The following EYS variants were observed in gnomAD, a reference collection of about 807,000 sequenced individuals.
The protein encoded by EYS is protein eyes shut homolog.
In EYS, 250 loss-of-function variants were observed where a neutral mutation model predicts 282.1. The observed-to-expected ratio is 0.89, with a 90% CI of 0.80 to 0.98. The LOEUF (loss-of-function observed/expected upper bound fraction) is 0.98. Ranked by LOEUF, EYS falls within the 50% of genes least tolerant of loss-of-function variation. The pLI, the probability that EYS is intolerant of heterozygous loss-of-function variation, is 0.00. For missense variants in EYS, 4,016 were observed against 3,709.0 expected (o/e 1.08, Z -2.15); for synonymous variants, 1,355 against 1,282.9 (o/e 1.06, Z -1.20).
chr6:65,548,650 C>A (rs1210603367), intron 2 of EYS, among the ~76,000 whole-genome samples: 1 of 152,170 alleles, frequency 6.6e-6, no homozygotes, highest in African/African-American at 2.4e-5. Context: ...ATGATTGTAT[C>A]CTTTCCAATT....
At chr6:64,245,031 A>C (rs1197856239) in intron 30 of EYS, among the ~76,000 whole-genome samples, 1 of 131,806 alleles carries the variant, frequency 7.6e-6, no homozygotes, top group Admixed American at 9.5e-5. Context: ...CCTGTGTCCA[A>C]GTGTTCTCAT....
At chr6:64,947,055 T>C (rs1392087765) in intron 14 of EYS, among the ~76,000 whole-genome samples, 5 of 151,854 alleles carry the variant, frequency 3.3e-5, no homozygotes, top group African/African-American at 4.8e-5. Flanking sequence ...ATAAGCACAA[T>C]GTGATGAGTA....
chr6:65,345,643 A>G (rs2150321162), intron 9 of EYS, among the ~76,000 whole-genome samples: 1 of 151,926 alleles, frequency 6.6e-6, no homozygotes, highest in East Asian at 1.9e-4. Flanking sequence ...TTTCATTTAA[A>G]TTGTCCAATT....
chr6:64,453,073 A>G (rs963995017), intron 26 of EYS, among the ~76,000 whole-genome samples: 1 of 152,180 alleles, frequency 6.6e-6, no homozygotes, highest in African/African-American at 2.4e-5. Flanking sequence ...TGAACAGGCA[A>G]CCTACAGAAT....
chr6:64,960,762 T>C (rs1769884192), intron 14 of EYS, among the ~76,000 whole-genome samples: 1 of 152,150 alleles, frequency 6.6e-6, no homozygotes, highest in Non-Finnish European at 1.5e-5. Context: ...TTAAGCCTAG[T>C]ACCCATTAGT....
chr6:64,462,878 C>A lies in EYS; in HGVS notation c.5645-23526G>T, dbSNP rs1005452489. Among the ~76,000 whole-genome samples, 6 of 151,116 alleles carry A rather than the reference C, an allele frequency of 4.0e-5. No individual in the cohort carries two copies. In the South Asian group the frequency reaches 1.0e-3, roughly 26 times the overall value. ...TATTCTATATCTTTCGTTTAAAAAG[C>A]TATCAAAATTCTTTTCTACTTCTCT... On this transcript the variant is annotated intron_variant, in intron 26 of 42. Transcript: ENST00000503581.
intron 23 of EYS, among the ~76,000 whole-genome samples, chr6:64,623,859 G>T (rs113110675): frequency 1.3e-5 from 2 of 152,112 alleles, no homozygotes; most frequent in East Asian, 3.9e-4. Context: ...CCCTGAAACC[G>T]TGGCAAACTA....
chr6:64,425,579 G>A (rs9353779), intron 28 of EYS, among the ~76,000 whole-genome samples: 59 of 150,562 alleles, frequency 3.9e-4, no homozygotes, highest in African/African-American at 1.4e-3. Context: ...GCTTGAACCT[G>A]GGAGTCGGAA....
intron 39 of EYS, among the ~76,000 whole-genome samples, chr6:63,782,743 T>C (rs959027550): frequency 6.6e-6 from 1 of 152,222 alleles, no homozygotes; most frequent in Non-Finnish European, 1.5e-5. Flanking sequence ...TTTGTGTCTC[T>C]ATCTCCTTCA....
intron 12 of EYS, among the ~76,000 whole-genome samples, chr6:65,207,322 A>G (rs1045813812): frequency 8.6e-5 from 13 of 151,518 alleles, no homozygotes; most frequent in Non-Finnish European, 1.6e-4. Context: ...TAAAGAATTA[A>G]GTGGAAGATC....
chr6:64,885,680 A>G (rs1187180918), intron 19 of EYS, among the ~76,000 whole-genome samples: 4 of 151,806 alleles, frequency 2.6e-5, no homozygotes, highest in African/African-American at 9.7e-5. Context: ...ATATTAACTT[A>G]ATCTGATAGT....
chr6:63,855,592 C>G (rs1562062051), intron 36 of EYS, among the ~76,000 whole-genome samples: 1 of 152,134 alleles, frequency 6.6e-6, no homozygotes, highest in East Asian at 1.9e-4. Flanking sequence ...AATTTCAGAA[C>G]CTACCATGTG....
chr6:64,555,759 A>G (rs910884321), intron 26 of EYS, among the ~76,000 whole-genome samples: 1 of 152,124 alleles, frequency 6.6e-6, no homozygotes, highest in African/African-American at 2.4e-5. Flanking sequence ...CATTTAAATC[A>G]CACATTACAT....
intron 5 of EYS, among the ~76,000 whole-genome samples, chr6:65,418,119 G>C (rs1767312796): frequency 1.3e-5 from 2 of 151,996 alleles, no homozygotes; most frequent in Non-Finnish European, 2.9e-5. Context: ...TACATATCCT[G>C]TTGTGCAATT....
At position 64,230,794 on chromosome 6, in the gene EYS, G is replaced by A. The variant is rs1212504453; in HGVS notation, c.6222C>T (p.Ala2074=). 1 of 1,550,506 alleles carries A rather than the reference G, an allele frequency of 6.4e-7. No homozygotes were observed. Among genetic ancestry groups the A allele is most frequent in the African/African-American group, 1.4e-5 (1 of 72,986 alleles). ...TCACATCAGAAGCATCAACAAAGGA[G>A]GCTGTTGGAGACAGCATAAATCCCT... The part of the protein sequence containing the change: ...RSQGFMLSPT[A]SFVDASDVTQ... The change falls in exon 31 of 43, where the codon GCC becomes GCT. Residue 2074 remains alanine (A), a synonymous_variant. Transcript: ENST00000503581.
Position 64,431,391 on chromosome 6 carries a change from C to T in EYS, c.5927+4783G>A, listed in dbSNP as rs564333383. Among the ~76,000 whole-genome samples the T allele has an allele frequency of 8.5e-5, 13 of 152,236 alleles. No individual in the cohort carries two copies. The East Asian group carries it at 2.5e-3, about 29-fold the overall frequency. ...CTCTGTAGCTAAATAAGCACACATT[C>T]TGAGCTGCTGAGGGTTAACACTTCA... On this transcript the variant is annotated intron_variant, in intron 28 of 42. Transcript: ENST00000503581.
At chr6:65,004,154 T>G (rs925986039) in intron 13 of EYS, among the ~76,000 whole-genome samples, 1 of 147,602 alleles carries the variant, frequency 6.8e-6, no homozygotes, top group Non-Finnish European at 1.5e-5. Context: ...TTCTCATGCC[T>G]AAGGGTGAAT....
At chr6:65,705,856 A>T (rs905254400) in intron 1 of EYS, among the ~76,000 whole-genome samples, 7 of 152,110 alleles carry the variant, frequency 4.6e-5, no homozygotes, top group African/African-American at 1.7e-4. Context: ...TTTTTAAAAA[A>T]TCTGAATTAT....
At chr6:63,912,785 G>A (rs545757215) in intron 35 of EYS, among the ~76,000 whole-genome samples, 58 of 111,836 alleles carry the variant, frequency 5.2e-4, no homozygotes, top group South Asian at 3.1e-3. Flanking sequence ...CTCCCCACCC[G>A]CCCCCCCGAC....
Sources: gnomAD v4.1 joint callset for allele counts (sites outside exome capture counted in the v4.1 genomes callset) on GRCh38, gnomAD v4.1.1 for gene constraint, MANE v1.5 for transcripts, NCBI Gene and HGNC (gene_info 2026-07-23, HGNC 2026-07-21) for gene names.